LHX4: variants seen among roughly 807,000 people sequenced by gnomAD.
LHX4 encodes the protein LIM homeobox 4, also known as LIM/homeobox protein Lhx4.
A neutral mutation model predicts 39.2 loss-of-function variants in LHX4; 16 were observed. The ratio of observed to expected loss-of-function variants is 0.41; its 90% CI spans 0.28 to 0.62. The LOEUF (loss-of-function observed/expected upper bound fraction) is 0.62. Ranked by LOEUF, LHX4 falls within the 20% of genes least tolerant of loss-of-function variation. The pLI is 0.33. For synonymous variants in LHX4, 206 were observed against 198.1 expected (o/e 1.04, Z -0.33); for missense variants, 439 against 511.9 (o/e 0.86, Z 1.37).
intron 2 of LHX4, among the ~76,000 whole-genome samples, chr1:180,263,503 T>C (rs1398347780): frequency 1.3e-5 from 2 of 149,942 alleles, no homozygotes; most frequent in African/African-American, 2.5e-5. Flanking sequence ...AGGTGCTGCA[T>C]GCGGCTCCCT....
Position 180,266,384 on chromosome 1 carries a change from C to T in LHX4, c.249-8C>T. On this transcript the variant is annotated splice_region_variant and splice_polypyrimidine_tract_variant and intron_variant, in intron 2 of 5. Transcript: ENST00000263726. The surrounding 1 kb of genome is among the most constrained non-coding windows in gnomAD (Gnocchi z 5.7). Reference sequence around the variant, plus strand: ...GTGTGCCCTAATCCTTTCCTGCTGCCCTGACAGGCGCTTCGGCACAAAATG... The same window carrying T: ...GTGTGCCCTAATCCTTTCCTGCTGCTCTGACAGGCGCTTCGGCACAAAATG... 1.2e-6 allele frequency: 2 copies of T among 1,613,988 alleles called. No individual in the cohort carries two copies. Among genetic ancestry groups the T allele is most frequent in the Non-Finnish European group, 8.5e-7 (1 of 1,179,956 alleles).
chr1:180,268,046 C>G (rs974213867), intron 3 of LHX4, among the ~76,000 whole-genome samples: 3 of 152,200 alleles, frequency 2.0e-5, no homozygotes, highest in African/African-American at 7.2e-5. Context: ...CCTGGGGCCT[C>G]TGCAAACCCA....
At chr1:180,268,933 C>T (rs1342198138) in intron 3 of LHX4, among the ~76,000 whole-genome samples, 1 of 152,148 alleles carries the variant, frequency 6.6e-6, no homozygotes, top group African/African-American at 2.4e-5. Flanking sequence ...ACAGTTCCCT[C>T]CCATTAGCTA....
At chr1:180,235,883 C>T (rs1382486902) in intron 1 of LHX4, among the ~76,000 whole-genome samples, 1 of 152,138 alleles carries the variant, frequency 6.6e-6, no homozygotes, top group Non-Finnish European at 1.5e-5. Context: ...AGGATGGGAC[C>T]TTATTATTTT....
intron 2 of LHX4, among the ~76,000 whole-genome samples, chr1:180,249,772 C>A (rs1052257088): frequency 1.3e-5 from 2 of 152,206 alleles, no homozygotes; most frequent in African/African-American, 4.8e-5. Context: ...CATTAAAGAT[C>A]TTGGTAACCA....
intron 1 of LHX4, among the ~76,000 whole-genome samples, chr1:180,233,285 C>T (rs577882045): frequency 6.6e-6 from 1 of 152,276 alleles, no homozygotes; most frequent in Non-Finnish European, 1.5e-5. Context: ...CGCAGGCTCC[C>T]GTGCGGACTT....
chr1:180,243,315 C>T (rs1647243984), intron 1 of LHX4, among the ~76,000 whole-genome samples: 1 of 151,842 alleles, frequency 6.6e-6, no homozygotes, highest in African/African-American at 2.4e-5. Context: ...AGGAGTTCTC[C>T]CCTCCTCTGC....
intron 3 of LHX4, among the ~76,000 whole-genome samples, chr1:180,267,638 C>T (rs1384012685): frequency 1.3e-5 from 2 of 152,188 alleles, no homozygotes; most frequent in East Asian, 3.9e-4. Context: ...GTTCCTTGGC[C>T]TTTGACTAGA....
intron 1 of LHX4, among the ~76,000 whole-genome samples, chr1:180,236,667 G>C (rs1357227743): frequency 2.0e-5 from 3 of 152,324 alleles, no homozygotes; most frequent in East Asian, 3.9e-4. Context: ...CTATTGAAGA[G>C]TTGTGGATGG....
chr1:180,236,692 G>A (rs956963693), intron 1 of LHX4, among the ~76,000 whole-genome samples: 1 of 152,292 alleles, frequency 6.6e-6, no homozygotes, highest in Admixed American at 6.5e-5. Context: ...CGGGTAGGTG[G>A]AATCGGATAA....
chr1:180,229,887 G>A (rs1004553116), upstream of LHX4, among the ~76,000 whole-genome samples: 2 of 149,844 alleles, frequency 1.3e-5, no homozygotes, highest in East Asian at 4.0e-4. Flanking sequence ...ACCTGCTGCC[G>A]CGGCAGGCCA....
intron 4 of LHX4, 78 bp from the exon 5 acceptor site, chr1:180,271,757 C>T (rs530092684): frequency 3.3e-5 from 51 of 1,539,152 alleles, no homozygotes; most frequent in Admixed American, 1.3e-4. Flanking sequence ...TGCTTCCAGC[C>T]GCCCGCCTAG....
At position 180,266,612 on chromosome 1, in the gene LHX4, G is replaced by A. The variant is rs746842916; in HGVS notation, c.451+18G>A. 5.6e-6 allele frequency: 9 copies of A among 1,611,428 alleles called. No homozygotes were observed. The highest frequency in any genetic ancestry group is 1.3e-5 in the African/African-American group (1 of 74,970). On this transcript the variant is annotated intron_variant, in intron 3 of 5. Transcript: ENST00000263726. This position sits in a 1 kb window ranked among gnomAD's most constrained non-coding sequence, Gnocchi z 5.7. ...GCAGAACGGTAAGCAGCATGGCCCC[G>A]CATGGTCCCCTCTCCAGGCCTTTGT... is the stretch of plus-strand genomic sequence containing the variant.
At chr1:180,244,790 C>T (rs906700409) in intron 1 of LHX4, among the ~76,000 whole-genome samples, 2 of 152,228 alleles carry the variant, frequency 1.3e-5, no homozygotes, top group Admixed American at 1.3e-4. Flanking sequence ...GATGGTGCTT[C>T]ATCTGGGTTC....
chr1:180,274,607 C>T lies in LHX4; in HGVS notation c.*28C>T, dbSNP rs75471724. 6.5e-7 allele frequency: 1 copy of T among 1,529,148 alleles called. No homozygotes were observed. The highest frequency in any genetic ancestry group is 8.8e-7 in the Non-Finnish European group (1 of 1,142,158). 94.7% of individuals were successfully genotyped at this position (1,529,148 alleles called of 1,614,324 possible). Reference sequence around the variant, plus strand: ...TTCTCTCCTCCCCACCCTACCTGCCCCCCTGGCTTGAGAGAATATCTTCAA... The same window carrying T: ...TTCTCTCCTCCCCACCCTACCTGCCTCCCTGGCTTGAGAGAATATCTTCAA... On this transcript the variant is annotated 3_prime_UTR_variant, in exon 6 of 6. Coordinates refer to ENST00000263726, the MANE Select transcript of LHX4 (RefSeq NM_033343.4).
At chr1:180,274,104 T>C (rs1281461016) in intron 5 of LHX4, 81 bp from the exon 6 acceptor site, 3 of 1,555,182 alleles carry the variant, frequency 1.9e-6, no homozygotes, top group South Asian at 2.2e-5. Flanking sequence ...TTCCTGGTCA[T>C]GTGTGTTCCT....
chr1:180,236,256 T>G (rs1182161608), intron 1 of LHX4, among the ~76,000 whole-genome samples: 2 of 151,908 alleles, frequency 1.3e-5, no homozygotes, highest in African/African-American at 4.8e-5. Flanking sequence ...TTCCATTGAG[T>G]AGACAAAAAC....
chr1:180,255,895 C>T lies in LHX4; in HGVS notation c.248+7439C>T, dbSNP rs550209489. On this transcript the variant is annotated intron_variant, in intron 2 of 5. Transcript: ENST00000263726. ...CCTAGCTGCAAATTAGTCTGGGGATCAGATGCATCTGGGCTGTGGAAACGG... is the reference window on the plus strand; with the variant it reads ...CCTAGCTGCAAATTAGTCTGGGGATTAGATGCATCTGGGCTGTGGAAACGG... Among the ~76,000 whole-genome samples, 4 of 152,354 alleles carry T rather than the reference C, an allele frequency of 2.6e-5. No individual in the cohort carries two copies. In the East Asian group the frequency reaches 7.7e-4, roughly 29 times the overall value.
At chr1:180,236,718 T>G (rs1195620342) in intron 1 of LHX4, among the ~76,000 whole-genome samples, 1 of 152,034 alleles carries the variant, frequency 6.6e-6, no homozygotes, top group Non-Finnish European at 1.5e-5. Flanking sequence ...CCTTGTGCCT[T>G]TTCTTTCAAT....
Sources: gnomAD v4.1 joint callset for allele counts (sites outside exome capture counted in the v4.1 genomes callset) on GRCh38, gnomAD v4.1.1 for gene constraint, Gnocchi (gnomAD v3.1) non-coding constraint, MANE v1.5 for transcripts, NCBI Gene and HGNC (gene_info 2026-07-23, HGNC 2026-07-21) for gene names.